Variants in P2RX2 observed in about 807,000 individuals in gnomAD.
P2RX2 encodes P2X purinoceptor 2.
In P2RX2, 50 loss-of-function variants were observed where a neutral mutation model predicts 54.8. That is an observed-to-expected ratio of 0.91 (90% CI 0.73 to 1.15). P2RX2 has a LOEUF of 1.15. Among genes scored for constraint, P2RX2 ranks in the 50% most tolerant of loss-of-function variants. The pLI is 0.00. For missense variants in P2RX2, 658 were observed against 633.2 expected (o/e 1.04, Z -0.42); for synonymous variants, 289 against 259.4 (o/e 1.11, Z -1.09).
rs1485673447 is a variant in P2RX2 at position 132,622,209 on chromosome 12, C to A, written c.*237C>A. On this transcript the variant is annotated 3_prime_UTR_variant, in exon 11 of 11. Coordinates refer to ENST00000643471, the MANE Select transcript of P2RX2 (RefSeq NM_170682.4). ...TGGTCCCTACAGGGCTGCTCACTTC[C>A]CATCACCTCTCACAGCCACCTGGAA... is the stretch of plus-strand genomic sequence containing the variant. 1.4e-6 allele frequency: 2 copies of A among 1,397,186 alleles called. No individual in the cohort carries two copies. Among genetic ancestry groups the A allele is most frequent in the Non-Finnish European group, 1.9e-6 (2 of 1,080,426 alleles). The allele number at this position is 1,397,186 out of a possible 1,614,324, so 86.5% of individuals were successfully genotyped here.
chr12:132,621,382 C>G, intron 9 of P2RX2, 37 bp downstream of exon 9: 1 of 1,612,814 alleles, frequency 6.2e-7, no homozygotes, highest in Non-Finnish European at 8.5e-7. Flanking sequence ...GCCAGCCCTG[C>G]TAGCCTGGGT....
At position 132,619,935 on chromosome 12, in the gene P2RX2, CTGGGGCTGGGCGGG is replaced by C; in HGVS notation, c.457+23_457+36del. On this transcript the variant is annotated intron_variant, in intron 4 of 10. Transcript: ENST00000643471. ...CTGGGAAACGGTCGGTGTGCGCCAG[CTGGGGCTGGGCGGG>C]TGGGGCAGGGCTGCGTCCCCGCTAA... is the stretch of plus-strand genomic sequence containing the variant. 1 of 791,274 alleles carries C rather than the reference CTGGGGCTGGGCGGG, an allele frequency of 1.3e-6. No homozygotes were observed. The highest frequency in any genetic ancestry group is 2.0e-6 in the Non-Finnish European group (1 of 489,680). The allele number at this position is 791,274 out of a possible 1,614,324, so 49.0% of individuals were successfully genotyped here. A position where few individuals can be genotyped will look rare whatever the true frequency, so the allele number is the denominator to read the frequency against.
rs1011180649 is a variant in P2RX2 at position 132,621,757 on chromosome 12, C to T, written c.1201C>T (p.Gln401Ter). ...TGTGACCCTTGCCCGTGTATTGGGC[C>T]AGGCCCCTCCCGAACCCGGCCACCG... is the stretch of plus-strand genomic sequence containing the variant. ...WPVTLARVLG[Q>*]APPEPGHRSE... Residue 401 changes from glutamine to a stop codon, truncating the protein, a stop_gained, in exon 11 of 11, where the codon CAG becomes TAG. Coordinates refer to ENST00000643471, the MANE Select transcript of P2RX2 (RefSeq NM_170682.4). LOFTEE classifies it high-confidence loss of function. 11 of 1,604,358 alleles carry T rather than the reference C, an allele frequency of 6.9e-6. No homozygotes were observed. Among genetic ancestry groups the T allele is most frequent in the Non-Finnish European group, 9.4e-6 (11 of 1,174,420 alleles).
At chr12:132,620,879 GGGC>G in intron 7 of P2RX2, 119 bp from the exon 8 acceptor site, 20 of 831,760 alleles carry the variant, frequency 2.4e-5, no homozygotes, top group South Asian at 1.3e-4. Flanking sequence ...GGACTGACCC[GGGC>G]TCTCGAGGGG....
At position 132,620,893 on chromosome 12, in the gene P2RX2, CCTCT is replaced by C; in HGVS notation, c.775-106_775-103del. 9.4e-6 allele frequency: 7 copies of C among 744,446 alleles called. 2 individuals carry two copies. The East Asian group carries it at 1.5e-4, about 16-fold the overall frequency. The allele number at this position is 744,446 out of a possible 1,614,324, so 46.1% of individuals were successfully genotyped here. ...GGGACTGACCCGGGCTCTCGAGGGG[CCTCT>C]CGTGTGCCCTTGTGACCCCCTTCCC... On this transcript the variant is annotated intron_variant, in intron 7 of 10. Transcript: ENST00000643471.
At position 132,620,087 on chromosome 12, in the gene P2RX2, C is replaced by A; in HGVS notation, c.545C>A (p.Ala182Asp). ...GGCTGGTGCCCGGTGGAAGATGGGG[C>A]CTCTGTCAGGTGCACCTGCGCCCCG... ...VFGWCPVEDG[A>D]SVSQFLGTMA... Residue 182 changes from alanine to aspartate, a missense_variant, in exon 5 of 11, where the codon GCC becomes GAC. By Grantham distance (126) the Ala-to-Asp change is moderately radical. Coordinates refer to ENST00000643471, the MANE Select transcript of P2RX2 (RefSeq NM_170682.4). The A allele has an allele frequency of 6.3e-7, 1 of 1,579,418 alleles. No homozygotes were observed. Among genetic ancestry groups the A allele is most frequent in the African/African-American group, 1.3e-5 (1 of 74,504 alleles).
In P2RX2 at chr12:132,622,180, C is replaced by T; in HGVS notation, c.*208C>T. On this transcript the variant is annotated 3_prime_UTR_variant, in exon 11 of 11. Transcript: ENST00000643471. Reference sequence around the variant, plus strand: ...CATACAGCCCCTGACACCTCCTCCCCAGCTGGTCCCTACAGGGCTGCTCAC... The same window carrying T: ...CATACAGCCCCTGACACCTCCTCCCTAGCTGGTCCCTACAGGGCTGCTCAC... The T allele has an allele frequency of 1.1e-5, 16 of 1,432,996 alleles. No homozygotes were observed. The highest frequency in any genetic ancestry group is 1.3e-5 in the Non-Finnish European group (14 of 1,098,824). The allele number at this position is 1,432,996 out of a possible 1,614,324, so 88.8% of individuals were successfully genotyped here.
At chr12:132,620,387 C>A in intron 6 of P2RX2, 40 bp downstream of exon 6, 1 of 1,613,938 alleles carries the variant, frequency 6.2e-7, no homozygotes. Context: ...AGCCTGAGGG[C>A]TGCCTTCTGG....
chr12:132,619,385 G>A (rs764650163), intron 1 of P2RX2, 54 bp from the exon 2 acceptor site: 7 of 1,601,920 alleles, frequency 4.4e-6, no homozygotes, highest in African/African-American at 1.3e-5. Context: ...GCCTGCGGGC[G>A]GGACTCAGCC....
In P2RX2 at chr12:132,621,098, A is replaced by T; in HGVS notation, c.872A>T (p.Lys291Met). ...TACTCCTTCCGGAGGCTTGACCCCAAGCACGTGCCTGCCTCGTCAGGCTAC... is the reference window on the plus strand; with the variant it reads ...TACTCCTTCCGGAGGCTTGACCCCATGCACGTGCCTGCCTCGTCAGGCTAC... The part of the protein sequence containing the change: ...PKYSFRRLDP[K>M]HVPASSGYNF... Residue 291 changes from lysine (K) to methionine (M), a missense_variant, in exon 8 of 11, where the codon AAG becomes ATG. By Grantham distance (95) the Lys-to-Met change is moderately conservative. Coordinates refer to ENST00000643471, the MANE Select transcript of P2RX2 (RefSeq NM_170682.4). 1.2e-6 allele frequency: 2 copies of T among 1,614,088 alleles called. No individual in the cohort carries two copies. Among genetic ancestry groups the T allele is most frequent in the Non-Finnish European group, 1.7e-6 (2 of 1,180,002 alleles).
chr12:132,619,836 C>T lies in P2RX2; in HGVS notation c.382-8C>T, dbSNP rs2041568902. ...GCGGGGTCCCTGACTGGGCCGCCTC[C>T]ACCCTAGAGCATAAGGGTCCACAAC... On this transcript the variant is annotated splice_polypyrimidine_tract_variant and splice_region_variant and intron_variant, in intron 3 of 10. Transcript: ENST00000643471. 6.2e-7 allele frequency: 1 copy of T among 1,610,786 alleles called. No individual in the cohort carries two copies. Among genetic ancestry groups the T allele is most frequent in the South Asian group, 1.1e-5 (1 of 90,800 alleles).
Position 132,620,018 on chromosome 12 carries a change from G to A in P2RX2, c.476G>A (p.Cys159Tyr), listed in dbSNP as rs1243349754. 1.2e-5 allele frequency: 19 copies of A among 1,586,374 alleles called. No homozygotes were observed. Among genetic ancestry groups the A allele is most frequent in the Non-Finnish European group, 1.5e-5 (18 of 1,168,078 alleles). The change falls in exon 5 of 11, where the codon TGT becomes TAT. Residue 159 changes from cysteine (C) to tyrosine (Y), a missense_variant. Cys to Tyr is a radical substitution (Grantham distance 194). Transcript: ENST00000643471. Reference protein sequence around the residue: ...MLGNGLRTGRCVPYYQGPSKT... With the variant: ...MLGNGLRTGRYVPYYQGPSKT... The stretch of plus-strand genomic sequence containing the variant: ...CTCCCAGGCCTGAGGACTGGGCGCT[G>A]TGTGCCCTATTACCAGGGGCCCTCC...
intron 7 of P2RX2, 62 bp downstream of exon 7, chr12:132,620,645 G>C: frequency 6.4e-7 from 1 of 1,555,188 alleles, no homozygotes; most frequent in East Asian, 2.2e-5. Context: ...AGAGGGCCTG[G>C]GGTACAGGGG....
Position 132,619,420 on chromosome 12 carries a change from G to A in P2RX2, c.174-19G>A, listed in dbSNP as rs754752106. 1.2e-6 allele frequency: 2 copies of A among 1,611,052 alleles called. No individual in the cohort carries two copies. The highest frequency in any genetic ancestry group is 8.5e-7 in the Non-Finnish European group (1 of 1,178,978). ...CTTCCCAGGGTCGCCTCCGGAGCCG[G>A]CGCCGCCCCTGCCCGCAGGTACGTA... On this transcript the variant is annotated intron_variant, in intron 1 of 10. Coordinates refer to ENST00000643471, the MANE Select transcript of P2RX2 (RefSeq NM_170682.4).
intron 8 of P2RX2, 38 bp from the exon 9 acceptor site, chr12:132,621,217 G>A (rs772978182): frequency 1.2e-6 from 2 of 1,613,896 alleles, no homozygotes; most frequent in East Asian, 2.2e-5. Flanking sequence ...CAGCCCTGGA[G>A]TGCAGAGGAC....
Position 132,620,013 on chromosome 12 carries a change from G to A in P2RX2, c.471G>A (p.Gly157=). Residue 157 remains glycine, a synonymous_variant, in exon 5 of 11, where the codon GGG becomes GGA. Coordinates refer to ENST00000643471, the MANE Select transcript of P2RX2 (RefSeq NM_170682.4). ...LDMLGNGLRT[G]RCVPYYQGPS... ...TCTGCCTCCCAGGCCTGAGGACTGGGCGCTGTGTGCCCTATTACCAGGGGC... is the reference window on the plus strand; with the variant it reads ...TCTGCCTCCCAGGCCTGAGGACTGGACGCTGTGTGCCCTATTACCAGGGGC... The A allele has an allele frequency of 6.3e-7, 1 of 1,584,724 alleles. No homozygotes were observed. The highest frequency in any genetic ancestry group is 8.6e-7 in the Non-Finnish European group (1 of 1,167,208).
At chr12:132,619,349 C>T (rs774302980) in intron 1 of P2RX2, 90 bp from the exon 2 acceptor site, 1 of 1,460,874 alleles carries the variant, frequency 6.8e-7, no homozygotes, top group East Asian at 2.4e-5. Context: ...CAGAGCGGAC[C>T]CGGGTCGCGG....
rs780673709 is a variant in P2RX2 at position 132,618,844 on chromosome 12, G to T, written c.28G>T (p.Ala10Ser). The T allele has an allele frequency of 7.4e-7, 1 of 1,347,768 alleles. No homozygotes were observed. Among genetic ancestry groups the T allele is most frequent in the Non-Finnish European group, 9.6e-7 (1 of 1,043,150 alleles). 83.5% of individuals were successfully genotyped at this position (1,347,768 alleles called of 1,614,324 possible). A position where few individuals can be genotyped will look rare whatever the true frequency, so the allele number is the denominator to read the frequency against. The change falls in exon 1 of 11, where the codon GCC (alanine) becomes TCC (serine). Residue 10 changes from alanine to serine, a missense_variant. By Grantham distance (99) the Ala-to-Ser change is moderately conservative. Coordinates refer to ENST00000643471, the MANE Select transcript of P2RX2 (RefSeq NM_170682.4). MAAAQPKYP[A>S]GATARRLARG... ...GGCCGCCGCCCAGCCCAAGTACCCC[G>T]CCGGGGCGACCGCCCGGCGCCTGGC...
At chr12:132,619,028 C>A (rs781447353) in intron 1 of P2RX2, 39 bp downstream of exon 1, 42 of 998,672 alleles carry the variant, frequency 4.2e-5, no homozygotes, top group Non-Finnish European at 4.2e-5. Context: ...GGGTGCGGGG[C>A]GCAGGGGAGG....
Sources: allele counts gnomAD v4.1 joint callset, GRCh38; gene constraint gnomAD v4.1.1; transcripts MANE v1.5; gene names NCBI Gene and HGNC (gene_info 2026-07-23, HGNC 2026-07-21).